SMIM45: variants seen among roughly 807,000 people sequenced by gnomAD.
The protein encoded by SMIM45 is long intergenic non-protein coding RNA 634.
the SMIM45 span, among the ~76,000 whole-genome samples, chr22:41,957,224 C>G: frequency 8.5e-6 from 1 of 117,970 alleles, no homozygotes; most frequent in Non-Finnish European, 1.6e-5. Context: ...GACGGAGTAT[C>G]GCTCTGTCAC....
chr22:41,950,048 C>G, the SMIM45 span, among the ~76,000 whole-genome samples: 1 of 151,800 alleles, frequency 6.6e-6, no homozygotes, highest in African/African-American at 2.4e-5. Context: ...CGGGGGATTC[C>G]GAGTGGGTGG....
the SMIM45 span, chr22:41,958,511 T>TG: frequency 6.4e-6 from 2 of 311,732 alleles, no homozygotes; most frequent in Non-Finnish European, 1.2e-5. Context: ...AGAGAGAGTC[T>TG]GGGGGGAGCG....
the SMIM45 span, among the ~76,000 whole-genome samples, chr22:41,956,719 C>T: frequency 6.6e-6 from 1 of 152,262 alleles, no homozygotes; most frequent in African/African-American, 2.4e-5. Flanking sequence ...CCCCTTTCCC[C>T]TTCCATAGGG....
the SMIM45 span, chr22:41,958,283 G>T: frequency 1.1e-5 from 5 of 456,642 alleles, no homozygotes; most frequent in South Asian, 7.7e-5. Context: ...CAGCTCCCCT[G>T]CCTCCACTCA....
chr22:41,951,220 G>A, the SMIM45 span, among the ~76,000 whole-genome samples: 23 of 152,360 alleles, frequency 1.5e-4, no homozygotes, highest in East Asian at 9.6e-4. Flanking sequence ...GCCACGCCCC[G>A]TGGGCCCTAG....
chr22:41,956,304 T>C, the SMIM45 span, among the ~76,000 whole-genome samples: 2 of 152,110 alleles, frequency 1.3e-5, no homozygotes, highest in Admixed American at 1.3e-4. Context: ...AGCCACCACG[T>C]CCAGCCCCAT....
At chr22:41,949,954 GGGTCATCAGAGTC>G in the SMIM45 span, among the ~76,000 whole-genome samples, 1 of 152,176 alleles carries the variant, frequency 6.6e-6, no homozygotes, top group Non-Finnish European at 1.5e-5. Context: ...CAAGCTGGCA[GGGTCATCAGAGTC>G]CTCTGGGCCA....
chr22:41,947,215 A>G, the SMIM45 span: 4 of 719,566 alleles, frequency 5.6e-6, no homozygotes, highest in Admixed American at 7.2e-5. Flanking sequence ...GGGCCTCTTA[A>G]AGGAACCGAA....
the SMIM45 span, among the ~76,000 whole-genome samples, chr22:41,954,326 C>T: frequency 4.8e-3 from 723 of 151,556 alleles, 9 homozygotes; most frequent in Middle Eastern, 0.021. Context: ...CCTGCCTCAG[C>T]CTGTTGAGTA....
chr22:41,950,071 C>G, the SMIM45 span, among the ~76,000 whole-genome samples: 2 of 151,302 alleles, frequency 1.3e-5, no homozygotes, highest in Non-Finnish European at 2.9e-5. Context: ...TCCAGAACCC[C>G]CACCCCCACC....
At chr22:41,948,525 T>C in the SMIM45 span, among the ~76,000 whole-genome samples, 45 of 152,224 alleles carry the variant, frequency 3.0e-4, no homozygotes, top group Non-Finnish European at 4.7e-4. Flanking sequence ...AATGGCCCCA[T>C]AGAGCCACTG....
chr22:41,951,961 C>T, the SMIM45 span, among the ~76,000 whole-genome samples: 1 of 152,226 alleles, frequency 6.6e-6, no homozygotes, highest in Non-Finnish European at 1.5e-5. Flanking sequence ...GGGTGATTCC[C>T]CCTCCCCGCA....
the SMIM45 span, among the ~76,000 whole-genome samples, chr22:41,947,669 C>CTTT: frequency 1.2e-4 from 15 of 125,240 alleles, no homozygotes; most frequent in African/African-American, 3.9e-4. Context: ...GTGCCTGGCC[C>CTTT]TTTTTTTTTT....
At chr22:41,955,338 C>T in the SMIM45 span, among the ~76,000 whole-genome samples, 1 of 152,006 alleles carries the variant, frequency 6.6e-6, no homozygotes, top group Admixed American at 6.5e-5. Flanking sequence ...TGCCACCACA[C>T]CTGGCTAATT....
chr22:41,947,594 C>T, the SMIM45 span, among the ~76,000 whole-genome samples: 1 of 151,786 alleles, frequency 6.6e-6, no homozygotes, highest in African/African-American at 2.4e-5. Context: ...TCTCAAACTC[C>T]TGGCCTCAAG....
At chr22:41,947,104 T>G in the SMIM45 span, 1 of 1,610,744 alleles carries the variant, frequency 6.2e-7, no homozygotes, top group South Asian at 1.1e-5. Flanking sequence ...CCGTTGCTCC[T>G]GCGGTGCGCG....
chr22:41,953,851 C>T, the SMIM45 span, among the ~76,000 whole-genome samples: 2 of 147,690 alleles, frequency 1.4e-5, no homozygotes, highest in East Asian at 2.1e-4. Flanking sequence ...CCGGGGTTCA[C>T]GCCATTCTCC....
At chr22:41,954,292 C>T in the SMIM45 span, among the ~76,000 whole-genome samples, 5 of 149,944 alleles carry the variant, frequency 3.3e-5, no homozygotes, top group South Asian at 2.1e-4. Context: ...CTGCAAACTC[C>T]GCCTCCCAGG....
At chr22:41,953,368 C>G in the SMIM45 span, among the ~76,000 whole-genome samples, 2 of 152,096 alleles carry the variant, frequency 1.3e-5, no homozygotes, top group African/African-American at 4.8e-5. Context: ...GCTTTCCTCC[C>G]CAGAAGCAAG....
Sources: allele counts gnomAD v4.1 joint callset (sites outside exome capture counted in the v4.1 genomes callset), GRCh38; gene constraint gnomAD v4.1.1; transcripts MANE v1.5; gene names NCBI Gene and HGNC (gene_info 2026-07-23, HGNC 2026-07-21).